MPP7: variants seen among roughly 807,000 people sequenced by gnomAD.
MPP7 encodes the protein MAGUK p55 subfamily member 7.
MPP7 carries 60 observed loss-of-function variants against 76.5 expected under a neutral mutation model. The ratio of observed to expected loss-of-function variants is 0.78; its 90% CI spans 0.64 to 0.97. The LOEUF is 0.97. Among genes scored for constraint, MPP7 ranks in the 50% least tolerant of loss-of-function variants. The pLI, the probability that MPP7 is intolerant of heterozygous loss-of-function variation, is 0.00. For synonymous variants in MPP7, 237 were observed against 244.5 expected, an observed-to-expected ratio of 0.97 and a Z score of 0.29; for missense variants, 641 against 694.0, an observed-to-expected ratio of 0.92 and a Z score of 0.86.
intron 3 of MPP7, among the ~76,000 whole-genome samples, chr10:28,196,690 A>G (rs1263118304): frequency 6.6e-6 from 1 of 152,152 alleles, no homozygotes; most frequent in African/African-American, 2.4e-5. Context: ...GGCATAAACA[A>G]TAGTTGGTGG....
chr10:28,288,969 T>C (rs1018452699), intron 1 of MPP7, among the ~76,000 whole-genome samples: 49 of 151,998 alleles, frequency 3.2e-4, no homozygotes, highest in African/African-American at 1.1e-3. Context: ...CCTTCTTAGC[T>C]CAGCACATAC....
upstream of MPP7, chr10:28,334,603 T>G (rs576132182): frequency 1.3e-5 from 2 of 152,366 alleles, no homozygotes; most frequent in South Asian, 4.1e-4. Context: ...CTAGTAGAGA[T>G]ACAAATCTAC....
At chr10:28,123,597 T>C (rs955561331) in intron 8 of MPP7, among the ~76,000 whole-genome samples, 1 of 151,264 alleles carries the variant, frequency 6.6e-6, no homozygotes. Context: ...GCCTCCCAAG[T>C]AGCTAGGACT....
chr10:28,255,707 T>C (rs1839764030), intron 1 of MPP7, among the ~76,000 whole-genome samples: 1 of 152,160 alleles, frequency 6.6e-6, no homozygotes, highest in Admixed American at 6.5e-5. Context: ...GCCCAGCCCA[T>C]CTTTTTCTTA....
intron 2 of MPP7, among the ~76,000 whole-genome samples, chr10:28,311,026 T>C (rs1429991953): frequency 6.6e-6 from 1 of 152,170 alleles, no homozygotes. Flanking sequence ...TTATTCACTA[T>C]GGGATCCCCA....
At chr10:28,254,617 GGT>G (rs1235027209) in intron 1 of MPP7, among the ~76,000 whole-genome samples, 15 of 152,154 alleles carry the variant, frequency 9.9e-5, no homozygotes, top group African/African-American at 3.6e-4. Context: ...AATTATCTTC[GGT>G]GTAAGTTTTA....
chr10:28,301,144 T>C (rs1315504234), intron 1 of MPP7, among the ~76,000 whole-genome samples: 3 of 152,178 alleles, frequency 2.0e-5, no homozygotes, highest in Non-Finnish European at 2.9e-5. Flanking sequence ...GTTATTCTAA[T>C]TAAGAAATTA....
At chr10:28,109,186 G>T (rs1054894087) in intron 11 of MPP7, among the ~76,000 whole-genome samples, 2 of 152,120 alleles carry the variant, frequency 1.3e-5, no homozygotes, top group Non-Finnish European at 2.9e-5. Context: ...TACTCAGGAG[G>T]CTGAGGCAGG....
chr10:28,202,533 C>T (rs554540496), intron 2 of MPP7, among the ~76,000 whole-genome samples: 1 of 152,154 alleles, frequency 6.6e-6, no homozygotes, highest in Non-Finnish European at 1.5e-5. Context: ...TAATCCGAGA[C>T]AGAAAATGTG....
At chr10:28,246,750 G>A (rs1839447477) in intron 1 of MPP7, among the ~76,000 whole-genome samples, 1 of 152,014 alleles carries the variant, frequency 6.6e-6, no homozygotes, top group Non-Finnish European at 1.5e-5. Context: ...GAGCATGGTG[G>A]AAACCACCAC....
intron 11 of MPP7, among the ~76,000 whole-genome samples, chr10:28,095,126 T>G (rs2133480014): frequency 6.7e-6 from 1 of 150,354 alleles, no homozygotes; most frequent in Non-Finnish European, 1.5e-5. Flanking sequence ...CTTACTCCCC[T>G]GATTCACAAA....
chr10:28,177,806 C>T (rs1045184920), intron 3 of MPP7, among the ~76,000 whole-genome samples: 3 of 152,108 alleles, frequency 2.0e-5, no homozygotes, highest in African/African-American at 7.2e-5. Flanking sequence ...TTAAAAGAGA[C>T]AATTTGACCC....
intron 2 of MPP7, among the ~76,000 whole-genome samples, chr10:28,313,631 A>G (rs145678346): frequency 7.5e-4 from 115 of 152,324 alleles, no homozygotes; most frequent in African/African-American, 2.6e-3. Flanking sequence ...ATCCCCGCAG[A>G]GAAGAACGAT....
chr10:28,057,080 T>A (rs7905976), intron 15 of MPP7, among the ~76,000 whole-genome samples: 2 of 151,988 alleles, frequency 1.3e-5, no homozygotes, highest in Admixed American at 1.3e-4. Flanking sequence ...TCATCAAATC[T>A]TTGATGTTCT....
At chr10:28,092,367 A>G (rs1223421556) in intron 11 of MPP7, among the ~76,000 whole-genome samples, 1 of 152,218 alleles carries the variant, frequency 6.6e-6, no homozygotes, top group Non-Finnish European at 1.5e-5. Flanking sequence ...TGGGTGTCTT[A>G]TAAGACAAGA....
At chr10:28,183,086 C>T (rs1055355390) in intron 3 of MPP7, among the ~76,000 whole-genome samples, 4 of 151,768 alleles carry the variant, frequency 2.6e-5, no homozygotes. Context: ...CTCAAACAAA[C>T]AAACAAAAAA....
At chr10:28,161,226 T>C (rs1836251150) in intron 3 of MPP7, among the ~76,000 whole-genome samples, 1 of 152,144 alleles carries the variant, frequency 6.6e-6, no homozygotes, top group Non-Finnish European at 1.5e-5. Context: ...TACTCTATAT[T>C]GCTGCTTTGT....
chr10:28,265,035 C>T (rs765172330), intron 1 of MPP7, among the ~76,000 whole-genome samples: 4 of 152,084 alleles, frequency 2.6e-5, no homozygotes, highest in South Asian at 4.1e-4. Flanking sequence ...AGAATCAATT[C>T]AAGAGATAGA....
intron 2 of MPP7, among the ~76,000 whole-genome samples, chr10:28,326,360 C>T (rs1440417169): frequency 1.3e-5 from 2 of 152,048 alleles, no homozygotes; most frequent in South Asian, 4.1e-4. Context: ...TGCTGTTCCT[C>T]CTTGCTACCA....
Sources: gnomAD v4.1 joint callset for allele counts (sites outside exome capture counted in the v4.1 genomes callset) on GRCh38, gnomAD v4.1.1 for gene constraint, MANE v1.5 for transcripts, NCBI Gene and HGNC (gene_info 2026-07-23, HGNC 2026-07-21) for gene names.